Variants in SPATA13 observed in about 807,000 individuals in gnomAD.
The protein encoded by SPATA13 is spermatogenesis associated 13, also known as spermatogenesis-associated protein 13.
In SPATA13, 50 loss-of-function variants were observed where a neutral mutation model predicts 104.0. That is an observed-to-expected ratio of 0.48 (90% CI 0.38 to 0.61). The LOEUF is 0.61. Among genes scored for constraint, SPATA13 ranks in the 20% least tolerant of loss-of-function variants. The pLI is 0.00. For missense variants in SPATA13, 1,524 were observed against 1,690.6 expected, an observed-to-expected ratio of 0.90 and a Z score of 1.73; for synonymous variants, 606 against 667.5, an observed-to-expected ratio of 0.91 and a Z score of 1.42.
chr13:24,161,839 C>T lies in SPATA13; in HGVS notation c.-112+907C>T, dbSNP rs1300075251. Among the ~76,000 whole-genome samples, 2 of 152,206 alleles carry T rather than the reference C, an allele frequency of 1.3e-5. No homozygotes were observed. Among genetic ancestry groups the T allele is most frequent in the Non-Finnish European group, 2.9e-5 (2 of 68,042 alleles). On this transcript the variant is annotated intron_variant, in intron 1 of 12. Coordinates refer to ENST00000382108, the MANE Select transcript of SPATA13 (RefSeq NM_001166271.3). This position sits in a 1 kb window ranked among gnomAD's most constrained non-coding sequence, Gnocchi z 4.5. ...CCATAGCCTTATATTATGCACCTCC[C>T]CCTGCCAGCATTTTCTCTGTCCCCA...
chr13:24,020,876 T>G (rs1566075149), intron 3 of SPATA13, among the ~76,000 whole-genome samples: 1 of 152,132 alleles, frequency 6.6e-6, no homozygotes, highest in Non-Finnish European at 1.5e-5. Flanking sequence ...AACCGGTCTC[T>G]ACTAAAAATA....
chr13:24,171,539 G>T (rs1027645796), intron 1 of SPATA13, among the ~76,000 whole-genome samples: 2 of 152,236 alleles, frequency 1.3e-5, no homozygotes, highest in Non-Finnish European at 2.9e-5. Flanking sequence ...GCAGCATACA[G>T]GGCTGATAAT....
chr13:23,989,756 T>G (rs2810697), intron 2 of SPATA13, among the ~76,000 whole-genome samples: 2 of 152,122 alleles, frequency 1.3e-5, no homozygotes, highest in African/African-American at 2.4e-5. Flanking sequence ...TAACCCCCAA[T>G]GTGATGGTAT....
chr13:24,173,215 C>T (rs749930606), intron 1 of SPATA13, among the ~76,000 whole-genome samples: 3 of 152,088 alleles, frequency 2.0e-5, no homozygotes, highest in Admixed American at 6.6e-5. Context: ...GTAGCTGGGA[C>T]TATAGGCATG....
chr13:24,298,722 C>T (rs1876966030), intron 11 of SPATA13, among the ~76,000 whole-genome samples: 2 of 152,198 alleles, frequency 1.3e-5, no homozygotes, highest in African/African-American at 4.8e-5. Flanking sequence ...GACTAAAAAC[C>T]AGGAGGTGCT....
intron 3 of SPATA13, among the ~76,000 whole-genome samples, chr13:24,026,603 A>G (rs1161327722): frequency 6.6e-6 from 1 of 152,146 alleles, no homozygotes; most frequent in Non-Finnish European, 1.5e-5. Context: ...TTTGAGACAG[A>G]GTCTCGCTCT....
upstream of SPATA13, chr13:24,160,662 G>GA (rs1882430795): frequency 2.1e-6 from 2 of 947,198 alleles, no homozygotes; most frequent in African/African-American, 1.8e-5. Context: ...GGGGCGGGGG[G>GA]AAGAGCCGGG....
At chr13:24,217,995 G>C (rs1374612474) in intron 1 of SPATA13, among the ~76,000 whole-genome samples, 1 of 152,244 alleles carries the variant, frequency 6.6e-6, no homozygotes, top group African/African-American at 2.4e-5. Flanking sequence ...TGGAGAAAGA[G>C]CCTGAGAGCA....
intron 3 of SPATA13, among the ~76,000 whole-genome samples, chr13:24,023,177 G>A (rs560855906): frequency 2.6e-5 from 4 of 151,998 alleles, no homozygotes; most frequent in East Asian, 1.9e-4. Context: ...GAGAACATTC[G>A]GTGTTTGGTT....
intron 2 of SPATA13, among the ~76,000 whole-genome samples, chr13:24,012,430 C>G (rs1876513745): frequency 6.6e-6 from 1 of 152,204 alleles, no homozygotes; most frequent in African/African-American, 2.4e-5. Context: ...CCCAGGTACA[C>G]CATTAGGGTG....
chr13:24,235,937 A>C (rs1416820342), intron 2 of SPATA13, among the ~76,000 whole-genome samples: 2 of 152,250 alleles, frequency 1.3e-5, no homozygotes, highest in Non-Finnish European at 2.9e-5. Context: ...TCAGTGGATG[A>C]AGTTCCATCA....
At chr13:24,253,747 G>A (rs923070218) in intron 4 of SPATA13, among the ~76,000 whole-genome samples, 4 of 152,066 alleles carry the variant, frequency 2.6e-5, no homozygotes, top group Non-Finnish European at 5.9e-5. Flanking sequence ...GAGGCAGTGA[G>A]GCAGAGATCC....
At chr13:24,118,911 CT>C (rs67348620) in intron 3 of SPATA13, among the ~76,000 whole-genome samples, 21,715 of 146,244 alleles carry the variant, frequency 0.15, 2,202 homozygotes, top group East Asian at 0.31. Flanking sequence ...CTTTTCTTTT[CT>C]TTTTTTTTTT....
chr13:24,112,866 C>G (rs770792822), intron 3 of SPATA13, among the ~76,000 whole-genome samples: 7 of 152,206 alleles, frequency 4.6e-5, no homozygotes, highest in Admixed American at 6.5e-5. Flanking sequence ...TATTCTATTT[C>G]CATTGCTCTG....
At chr13:24,062,434 C>T (rs759876197) in intron 3 of SPATA13, among the ~76,000 whole-genome samples, 5 of 152,172 alleles carry the variant, frequency 3.3e-5, no homozygotes, top group African/African-American at 4.8e-5. Flanking sequence ...TCTCCAATGG[C>T]GCCAGGGTGC....
chr13:24,036,007 C>T (rs1010384032), intron 3 of SPATA13, among the ~76,000 whole-genome samples: 2 of 124,170 alleles, frequency 1.6e-5, no homozygotes, highest in African/African-American at 6.5e-5. Flanking sequence ...GAGTAAGACC[C>T]TGTCTCAAAA....
chr13:24,108,533 A>T (rs1327482609), intron 3 of SPATA13, among the ~76,000 whole-genome samples: 1 of 152,184 alleles, frequency 6.6e-6, no homozygotes, highest in Non-Finnish European at 1.5e-5. Context: ...AAACTGCTTT[A>T]GGGAGGGCTT....
chr13:23,989,936 T>C (rs1816750244), intron 2 of SPATA13, among the ~76,000 whole-genome samples: 1 of 152,134 alleles, frequency 6.6e-6, no homozygotes, highest in Non-Finnish European at 1.5e-5. Context: ...CACCAGACAT[T>C]GAATCTGTGG....
chr13:24,290,837 C>T lies in SPATA13; in HGVS notation c.3033C>T (p.Tyr1011=). The change falls in exon 9 of 13, where the codon TAC becomes TAT. Residue 1011 remains tyrosine, a synonymous_variant. Coordinates refer to ENST00000382108, the MANE Select transcript of SPATA13 (RefSeq NM_001166271.3). ...LLTPVQKICK[Y]PLQLAELLKY... ...CACCAGTGCAGAAGATCTGCAAATA[C>T]CCGCTGCAGCTGGCCGAGCTGCTCA... 6.2e-7 allele frequency: 1 copy of T among 1,614,156 alleles called. No homozygotes were observed. Among genetic ancestry groups the T allele is most frequent in the Non-Finnish European group, 8.5e-7 (1 of 1,180,036 alleles).
Sources: allele counts gnomAD v4.1 joint callset (sites outside exome capture counted in the v4.1 genomes callset), GRCh38; gene constraint gnomAD v4.1.1; non-coding constraint Gnocchi (gnomAD v3.1); transcripts MANE v1.5; gene names NCBI Gene and HGNC (gene_info 2026-07-23, HGNC 2026-07-21).